Variants in CHCHD6 observed in about 807,000 individuals in gnomAD.
CHCHD6 encodes MICOS complex subunit MIC25.
CHCHD6 carries 28 observed loss-of-function variants against 32.3 expected under a neutral mutation model. The ratio of observed to expected loss-of-function variants is 0.87; its 90% CI spans 0.64 to 1.19. The LOEUF is 1.19. Among genes scored for constraint, CHCHD6 ranks in the 50% most tolerant of loss-of-function variants. The pLI is 0.00. For missense variants in CHCHD6, 333 were observed against 307.0 expected (o/e 1.08, Z -0.63); for synonymous variants, 122 against 117.5 (o/e 1.04, Z -0.25).
chr3:126,836,698 G>C (rs544106741), intron 4 of CHCHD6, among the ~76,000 whole-genome samples: 69 of 152,340 alleles, frequency 4.5e-4, no homozygotes, highest in Admixed American at 2.5e-3. Flanking sequence ...GTGCGGAGAT[G>C]CTGAGAGGAG....
intron 5 of CHCHD6, among the ~76,000 whole-genome samples, chr3:126,894,414 C>G (rs2077808385): frequency 6.6e-6 from 1 of 152,172 alleles, no homozygotes; most frequent in East Asian, 1.9e-4. Context: ...CTTTCCAAGA[C>G]AAAGGACAGA....
At chr3:126,711,253 C>T (rs919489027) in intron 1 of CHCHD6, among the ~76,000 whole-genome samples, 1 of 152,164 alleles carries the variant, frequency 6.6e-6, no homozygotes, top group East Asian at 1.9e-4. Context: ...CCTTCTCTAG[C>T]CAAGCTGGCG....
intron 4 of CHCHD6, among the ~76,000 whole-genome samples, chr3:126,773,807 T>A (rs773857773): frequency 1.2e-4 from 18 of 152,122 alleles, no homozygotes; most frequent in Non-Finnish European, 2.2e-4. Flanking sequence ...GGTTTCACTA[T>A]GTTGCCCAGG....
intron 5 of CHCHD6, chr3:126,854,768 C>T (rs1376514076): frequency 1.3e-5 from 2 of 152,514 alleles, no homozygotes; most frequent in Non-Finnish European, 2.9e-5. Flanking sequence ...GCTGCTGCAT[C>T]ATCCTTGACC....
chr3:126,909,970 G>A (rs1235458210), intron 5 of CHCHD6, among the ~76,000 whole-genome samples: 6 of 152,208 alleles, frequency 3.9e-5, no homozygotes, highest in Non-Finnish European at 8.8e-5. Context: ...ACAGCTGCCA[G>A]AATGTTCTTT....
At chr3:126,738,688 G>A (rs1179408160) in intron 4 of CHCHD6, among the ~76,000 whole-genome samples, 4 of 152,128 alleles carry the variant, frequency 2.6e-5, no homozygotes, top group Non-Finnish European at 4.4e-5. Flanking sequence ...TCTTTCCCTC[G>A]TGATCCCATT....
intron 6 of CHCHD6, among the ~76,000 whole-genome samples, chr3:126,920,851 T>G (rs1355689992): frequency 6.6e-6 from 1 of 152,200 alleles, no homozygotes; most frequent in Non-Finnish European, 1.5e-5. Flanking sequence ...AAAGTGGGTC[T>G]AATAACAAAT....
In CHCHD6 at chr3:126,790,833, A is replaced by G. The variant is rs929241592; in HGVS notation, c.411+57611A>G. Among the ~76,000 whole-genome samples, 3 of 152,326 alleles carry G rather than the reference A, an allele frequency of 2.0e-5. 1 individual carries two copies. The stretch of plus-strand genomic sequence containing the variant: ...CTTCTTCTCTCAAGTTGTCAAAGTC[A>G]TTCTCCATCCAGCTTTGTTCCGTTG... On this transcript the variant is annotated intron_variant, in intron 4 of 7. Coordinates refer to ENST00000290913, the MANE Select transcript of CHCHD6 (RefSeq NM_032343.3).
rs189701993 is a variant in CHCHD6, at chr3:126,948,065, C to A, written c.567-9351C>A. On this transcript the variant is annotated intron_variant, in intron 6 of 7. Transcript: ENST00000290913. ...CATGCCGTGGAAAGTGCACACTGCT[C>A]TCAGAAAACGATCAGAGATACATTG... 8.8e-4 allele frequency among the ~76,000 whole-genome samples: 134 copies of A among 152,316 alleles called. 1 individual carries two copies. Among genetic ancestry groups the A allele is most frequent in the African/African-American group, 3.2e-3 (134 of 41,572 alleles).
intron 5 of CHCHD6, chr3:126,865,603 T>G: frequency 1.0e-6 from 1 of 985,294 alleles, no homozygotes; most frequent in South Asian, 4.7e-5. Flanking sequence ...CTCCACACCT[T>G]CACTGCTACC....
chr3:126,922,346 C>T (rs2078262951), intron 6 of CHCHD6, among the ~76,000 whole-genome samples: 2 of 152,212 alleles, frequency 1.3e-5, no homozygotes, highest in South Asian at 4.1e-4. Flanking sequence ...GTTTCCCGGT[C>T]TGTAAAACAG....
chr3:126,724,053 A>G (rs1935429008), intron 1 of CHCHD6, among the ~76,000 whole-genome samples: 1 of 152,210 alleles, frequency 6.6e-6, no homozygotes, highest in Non-Finnish European at 1.5e-5. Context: ...TTGGTTATCC[A>G]GTCTTCATTA....
At chr3:126,818,123 T>G (rs1042887962) in intron 4 of CHCHD6, among the ~76,000 whole-genome samples, 3 of 152,218 alleles carry the variant, frequency 2.0e-5, no homozygotes, top group African/African-American at 7.2e-5. Flanking sequence ...CTCCTCACTT[T>G]TTTTAGGTAG....
chr3:126,903,049 C>G (rs1049424764), intron 5 of CHCHD6, among the ~76,000 whole-genome samples: 3 of 152,168 alleles, frequency 2.0e-5, no homozygotes, highest in Non-Finnish European at 4.4e-5. Context: ...TGCTTGGGAG[C>G]AAGGCCATCT....
intron 1 of CHCHD6, among the ~76,000 whole-genome samples, chr3:126,719,391 C>T (rs542006097): frequency 6.6e-6 from 1 of 152,254 alleles, no homozygotes; most frequent in Non-Finnish European, 1.5e-5. Context: ...CTTGCCCCCC[C>T]TGCCCTGCAT....
intron 1 of CHCHD6, among the ~76,000 whole-genome samples, chr3:126,704,944 G>A (rs1055170821): frequency 3.3e-5 from 5 of 152,062 alleles, no homozygotes; most frequent in African/African-American, 1.2e-4. Context: ...TCCAAAGCTG[G>A]CCGCTGCCCG....
At chr3:126,823,621 A>G (rs1940247001) in intron 4 of CHCHD6, among the ~76,000 whole-genome samples, 2 of 152,194 alleles carry the variant, frequency 1.3e-5, no homozygotes, top group Non-Finnish European at 2.9e-5. Context: ...GTTTTTCTAC[A>G]TATATAGTCA....
intron 4 of CHCHD6, among the ~76,000 whole-genome samples, chr3:126,741,652 GA>G (rs1936292225): frequency 6.6e-6 from 1 of 152,166 alleles, no homozygotes; most frequent in Non-Finnish European, 1.5e-5. Flanking sequence ...ATTTGGATCC[GA>G]TACTGAAACA....
chr3:126,764,656 G>A (rs576558298), intron 4 of CHCHD6, among the ~76,000 whole-genome samples: 1 of 152,132 alleles, frequency 6.6e-6, no homozygotes, highest in South Asian at 2.1e-4. Flanking sequence ...TAGGACTTCG[G>A]GTGCTGCGTC....
Sources: allele counts gnomAD v4.1 joint callset (sites outside exome capture counted in the v4.1 genomes callset), GRCh38; gene constraint gnomAD v4.1.1; transcripts MANE v1.5; gene names NCBI Gene and HGNC (gene_info 2026-07-23, HGNC 2026-07-21).